ITPR2: variants seen among roughly 807,000 people sequenced by gnomAD.
ITPR2 encodes the protein inositol 1,4,5-trisphosphate-gated calcium channel ITPR2.
Under a neutral mutation model 317.1 loss-of-function variants are expected in ITPR2, and 207 were observed. The ratio of observed to expected loss-of-function variants is 0.65; its 90% CI spans 0.58 to 0.73. The LOEUF is 0.73. Among genes scored for constraint, ITPR2 ranks in the 30% least tolerant of loss-of-function variants. The probability of loss-of-function intolerance (pLI) is 0.00; values close to 1 mark genes in which losing one functional copy is unlikely to be tolerated. For missense variants in ITPR2, 2,613 were observed against 3,284.0 expected (o/e 0.80, Z 4.99); for synonymous variants, 1,156 against 1,149.1 (o/e 1.01, Z -0.12).
intron 45 of ITPR2, among the ~76,000 whole-genome samples, chr12:26,460,887 T>A (rs932953945): frequency 1.3e-5 from 2 of 152,120 alleles, no homozygotes; most frequent in African/African-American, 4.8e-5. Flanking sequence ...GATGCCTAGA[T>A]CTGTCTCATT....
intron 1 of ITPR2, among the ~76,000 whole-genome samples, chr12:26,803,776 A>T (rs775892360): frequency 3.3e-5 from 5 of 152,116 alleles, no homozygotes; most frequent in African/African-American, 7.2e-5. Flanking sequence ...AGAACCAACT[A>T]CCACTTCCTG....
At chr12:26,675,741 A>T (rs1947893587) in intron 13 of ITPR2, among the ~76,000 whole-genome samples, 1 of 152,232 alleles carries the variant, frequency 6.6e-6, no homozygotes, top group African/African-American at 2.4e-5. Flanking sequence ...CCAGTGAAGA[A>T]TAACAAGTCT....
chr12:26,548,714 C>T (rs1297659019), intron 37 of ITPR2, among the ~76,000 whole-genome samples: 2 of 152,136 alleles, frequency 1.3e-5, no homozygotes, highest in Non-Finnish European at 1.5e-5. Flanking sequence ...GTTAGGAAAA[C>T]AGCAGCCCTG....
At chr12:26,646,383 CA>C (rs1716089308) in intron 21 of ITPR2, among the ~76,000 whole-genome samples, 1 of 151,812 alleles carries the variant, frequency 6.6e-6, no homozygotes, top group Admixed American at 6.6e-5. Context: ...TCCTTTTTAA[CA>C]GTAACTATGC....
chr12:26,474,637 C>CA (rs1163081641), intron 45 of ITPR2, among the ~76,000 whole-genome samples: 2 of 150,920 alleles, frequency 1.3e-5, no homozygotes, highest in Admixed American at 6.6e-5. Context: ...ACTAAAAATA[C>CA]AAAAAAATTA....
At chr12:26,385,100 T>A (rs1214231227) in intron 55 of ITPR2, among the ~76,000 whole-genome samples, 1 of 152,078 alleles carries the variant, frequency 6.6e-6, no homozygotes. Context: ...GTTCCTCCCT[T>A]TAGATGAGGA....
chr12:26,393,079 T>A (rs1939895660), intron 54 of ITPR2, among the ~76,000 whole-genome samples: 1 of 152,238 alleles, frequency 6.6e-6, no homozygotes. Context: ...CTGGACATTG[T>A]CTTCAAGGCT....
At chr12:26,706,505 T>C (rs1948555280) in intron 9 of ITPR2, among the ~76,000 whole-genome samples, 1 of 152,176 alleles carries the variant, frequency 6.6e-6, no homozygotes, top group African/African-American at 2.4e-5. Context: ...GTGTACAAGC[T>C]GCCCTCACTG....
At position 26,596,927 on chromosome 12, in the gene ITPR2, C is replaced by A; in HGVS notation, c.4210G>T (p.Asp1404Tyr). 6.3e-7 allele frequency: 1 copy of A among 1,590,976 alleles called. No individual in the cohort carries two copies. Among genetic ancestry groups the A allele is most frequent in the Non-Finnish European group, 8.6e-7 (1 of 1,167,688 alleles). ...EIKCNSLLPL[D>Y]DIVRVVTHDD... ...TGGGTCACCACCCTCACTATGTCGT[C>A]CAGCGGGAGAAGGGAATTACACTTG... The change falls in exon 31 of 57, where the codon GAC becomes TAC. Residue 1404 changes from aspartate (D) to tyrosine (Y), a missense_variant. Asp to Tyr is a radical substitution (Grantham distance 160). Transcript: ENST00000381340.
chr12:26,684,617 C>T (rs1027488310), intron 11 of ITPR2, among the ~76,000 whole-genome samples: 9 of 152,078 alleles, frequency 5.9e-5, no homozygotes, highest in African/African-American at 1.2e-4. Context: ...ACAGATGAAT[C>T]GATGTTAATA....
At chr12:26,542,564 A>T (rs1452135628) in intron 37 of ITPR2, among the ~76,000 whole-genome samples, 1 of 152,256 alleles carries the variant, frequency 6.6e-6, no homozygotes, top group African/African-American at 2.4e-5. Context: ...ACAGTGTCTG[A>T]CAGTACTGTC....
At chr12:26,492,915 GTGTGTATATATATATA>G (rs1942843004) in intron 39 of ITPR2, among the ~76,000 whole-genome samples, 2 of 121,014 alleles carry the variant, frequency 1.7e-5, no homozygotes, top group African/African-American at 5.8e-5. Context: ...GTATGTGTGT[GTGTGTATATATATATA>G]TATATATATA....
At chr12:26,452,100 C>T (rs1458721713) in intron 45 of ITPR2, among the ~76,000 whole-genome samples, 1 of 152,092 alleles carries the variant, frequency 6.6e-6, no homozygotes, top group African/African-American at 2.4e-5. Flanking sequence ...TGAAGGAGTA[C>T]ACCCCTCTCC....
chr12:26,677,466 G>C (rs1056799818), intron 13 of ITPR2, among the ~76,000 whole-genome samples: 12 of 152,016 alleles, frequency 7.9e-5, no homozygotes, highest in African/African-American at 2.9e-4. Flanking sequence ...TGGGTGTGGT[G>C]GCACGTGCCT....
chr12:26,656,390 T>G lies in ITPR2; in HGVS notation c.2351A>C (p.His784Pro). Residue 784 changes from histidine (H) to proline (P), a missense_variant, in exon 19 of 57, where the codon CAC (histidine) becomes CCC (proline). By Grantham distance (77) the His-to-Pro change is moderately conservative. Transcript: ENST00000381340. ...CTGGGGATCCCGGTCAACGTGCATG[T>G]GGAGCATGAGGCGACAGAAGGACGC... is the stretch of plus-strand genomic sequence containing the variant. Reference protein sequence around the residue: ...LRASFCRLMLHMHVDRDPQES... With the variant: ...LRASFCRLMLPMHVDRDPQES... 6.2e-7 allele frequency: 1 copy of G among 1,614,130 alleles called. No homozygotes were observed. Among genetic ancestry groups the G allele is most frequent in the South Asian group, 1.1e-5 (1 of 91,082 alleles).
chr12:26,719,802 C>T (rs911667658), intron 5 of ITPR2, among the ~76,000 whole-genome samples: 7 of 152,092 alleles, frequency 4.6e-5, no homozygotes, highest in African/African-American at 7.2e-5. Context: ...TTTTCTAAAA[C>T]GCAAAGTCTA....
chr12:26,487,310 T>G, intron 39 of ITPR2, 59 bp from the exon 40 acceptor site: 1 of 1,263,240 alleles, frequency 7.9e-7, no homozygotes, highest in East Asian at 2.3e-5. Flanking sequence ...GGTGTTTTTA[T>G]GCTTGAACTA....
intron 52 of ITPR2, 163 bp downstream of exon 52, chr12:26,411,157 A>G (rs1209132922): frequency 1.7e-6 from 1 of 572,736 alleles, no homozygotes; most frequent in African/African-American, 1.9e-5. Context: ...CCAATGTGGG[A>G]ATCCTTTCTC....
chr12:26,731,203 C>T (rs996439682), intron 2 of ITPR2, among the ~76,000 whole-genome samples: 1 of 152,202 alleles, frequency 6.6e-6, no homozygotes, highest in Admixed American at 6.5e-5. Flanking sequence ...TGTCACAAGG[C>T]AGGCATTCAA....
Sources: allele counts gnomAD v4.1 joint callset (sites outside exome capture counted in the v4.1 genomes callset), GRCh38; gene constraint gnomAD v4.1.1; transcripts MANE v1.5; gene names NCBI Gene and HGNC (gene_info 2026-07-23, HGNC 2026-07-21).